The following KALRN variants were observed in gnomAD, a reference collection of about 807,000 sequenced individuals.
The protein encoded by KALRN is kalirin RhoGEF kinase, also known as kalirin.
In KALRN, 70 loss-of-function variants were observed where a neutral mutation model predicts 353.7. That is an observed-to-expected ratio of 0.20 (90% CI 0.16 to 0.24). The LOEUF is 0.24. Among genes scored for constraint, KALRN ranks in the 10% least tolerant of loss-of-function variants. The probability of loss-of-function intolerance (pLI) is 1.00; values close to 1 mark genes in which losing one functional copy is unlikely to be tolerated. For missense variants in KALRN, 2,791 were observed against 3,756.7 expected, an observed-to-expected ratio of 0.74 and a Z score of 6.72; for synonymous variants, 1,391 against 1,434.8, an observed-to-expected ratio of 0.97 and a Z score of 0.69.
Position 124,543,341 on chromosome 3 carries a change from C to T in KALRN, c.4936-19502C>T, listed in dbSNP as rs554913000. Among the ~76,000 whole-genome samples the T allele has an allele frequency of 2.6e-3, 388 of 151,388 alleles. 2 individuals are homozygous for T. The highest frequency in any genetic ancestry group is 8.9e-3 in the African/African-American group (368 of 41,244). On this transcript the variant is annotated intron_variant, in intron 33 of 59. Coordinates refer to ENST00000682506, the MANE Select transcript of KALRN (RefSeq NM_001388419.1). ...TTTTGAGACGGAATCTCACTCTGTCCCCCAGGCTGGAGTGCGGTGGCGTGA... is the reference window on the plus strand; with the variant it reads ...TTTTGAGACGGAATCTCACTCTGTCTCCCAGGCTGGAGTGCGGTGGCGTGA...
intron 10 of KALRN, among the ~76,000 whole-genome samples, chr3:124,354,391 C>T (rs966048390): frequency 6.6e-6 from 1 of 152,094 alleles, no homozygotes; most frequent in African/African-American, 2.4e-5. Context: ...GCCAGGATGA[C>T]GGGCTTCTGG....
chr3:124,180,670 A>G (rs953228896), intron 1 of KALRN, among the ~76,000 whole-genome samples: 3 of 152,074 alleles, frequency 2.0e-5, no homozygotes, highest in African/African-American at 4.8e-5. Context: ...AACATGAGAA[A>G]TCTCTAGCTC....
intron 5 of KALRN, among the ~76,000 whole-genome samples, chr3:124,276,306 T>C (rs2074715939): frequency 6.6e-6 from 1 of 152,216 alleles, no homozygotes; most frequent in Non-Finnish European, 1.5e-5. Context: ...TGGTATGTCC[T>C]GTTGGCCACA....
chr3:124,426,800 G>T (rs2093042166), intron 15 of KALRN, among the ~76,000 whole-genome samples: 1 of 152,166 alleles, frequency 6.6e-6, no homozygotes, highest in African/African-American at 2.4e-5. Flanking sequence ...TTACTACTAT[G>T]GTGAAGATGA....
At chr3:124,632,215 C>T (rs908284642) in intron 34 of KALRN, among the ~76,000 whole-genome samples, 15 of 152,146 alleles carry the variant, frequency 9.9e-5, no homozygotes, top group Admixed American at 7.2e-4. Flanking sequence ...TCCATAGTAC[C>T]GGGAATGGTG....
chr3:124,326,135 C>T lies in KALRN; in HGVS notation c.1248C>T (p.Leu416=), dbSNP rs1380727404. The change falls in exon 7 of 60, where the codon CTC becomes CTT. Residue 416 remains leucine, a synonymous_variant. Transcript: ENST00000682506. ...CCCTGGATGAACGCAGCACCATCCTCGCCATGTCTGCTGTGTTCCACCAGA... is the reference window on the plus strand; with the variant it reads ...CCCTGGATGAACGCAGCACCATCCTTGCCATGTCTGCTGTGTTCCACCAGA... ...AAALDERSTI[L]AMSAVFHQKA... is the part of the protein sequence containing the mutation. 1.2e-5 allele frequency: 20 copies of T among 1,613,174 alleles called. No individual in the cohort carries two copies. The highest frequency in any genetic ancestry group is 1.6e-4 in the Middle Eastern group (1 of 6,082).
chr3:124,469,459 C>G (rs1239744218), intron 25 of KALRN, among the ~76,000 whole-genome samples: 1 of 152,210 alleles, frequency 6.6e-6, no homozygotes, highest in African/African-American at 2.4e-5. Flanking sequence ...AATACCTGCT[C>G]CAGTATGCTA....
intron 33 of KALRN, among the ~76,000 whole-genome samples, chr3:124,529,090 C>G (rs570812391): frequency 6.6e-6 from 1 of 152,208 alleles, no homozygotes; most frequent in East Asian, 1.9e-4. Flanking sequence ...AAATTCGTGT[C>G]AAATCATACT....
At chr3:124,666,660 G>A (rs746648458) in intron 46 of KALRN, 26 bp downstream of exon 46, 2 of 1,603,556 alleles carry the variant, frequency 1.2e-6, no homozygotes, top group South Asian at 1.1e-5. Context: ...GTGATGAGAA[G>A]AGGCAAGGAA....
At chr3:124,576,364 GA>G (rs1478362543) in intron 34 of KALRN, among the ~76,000 whole-genome samples, 1 of 152,050 alleles carries the variant, frequency 6.6e-6, no homozygotes, top group Non-Finnish European at 1.5e-5. Context: ...AATATTTATA[GA>G]AAGGAGGGAC....
At chr3:124,200,163 ACTGGGTTCCTAACCTGG>A (rs1426913204) in intron 1 of KALRN, among the ~76,000 whole-genome samples, 1 of 152,192 alleles carries the variant, frequency 6.6e-6, no homozygotes, top group Non-Finnish European at 1.5e-5. Flanking sequence ...ACAGTAGAAA[ACTGGGTTCCTAACCTGG>A]TGCTACCACT....
intron 27 of KALRN, among the ~76,000 whole-genome samples, chr3:124,478,010 C>G (rs1001741608): frequency 2.0e-5 from 3 of 152,128 alleles, no homozygotes; most frequent in African/African-American, 7.2e-5. Context: ...TGTGCCTTGT[C>G]AGATCCTTTG....
intron 4 of KALRN, among the ~76,000 whole-genome samples, 157 bp downstream of exon 4, chr3:124,264,847 T>C (rs920143974): frequency 6.6e-6 from 1 of 151,952 alleles, no homozygotes; most frequent in Admixed American, 6.6e-5. Context: ...CCAGTTAGAG[T>C]ATGGGGAGGA....
chr3:124,163,820 C>G (rs2070392299), intron 1 of KALRN: 1 of 985,380 alleles, frequency 1.0e-6, no homozygotes. Context: ...CCTGGGCCAC[C>G]TGACTGATGT....
rs569792090 is a variant in KALRN at position 124,085,772 on chromosome 3, C to A, written c.73+51959C>A. The stretch of plus-strand genomic sequence containing the variant: ...GCTTATAGTAAAAAAATTATAACAA[C>A]ATAAAATTTTACAAAACACAATTCT... On this transcript the variant is annotated intron_variant, in intron 1 of 59. Coordinates refer to ENST00000682506, the MANE Select transcript of KALRN (RefSeq NM_001388419.1). 7.2e-5 allele frequency among the ~76,000 whole-genome samples: 11 copies of A among 152,280 alleles called. No individual in the cohort carries two copies. The East Asian group carries it at 1.9e-3, about 27-fold the overall frequency.
In KALRN at chr3:124,506,305, C is replaced by G. The variant is rs563039194; in HGVS notation, c.4935+9892C>G. 3.9e-5 allele frequency among the ~76,000 whole-genome samples: 6 copies of G among 152,288 alleles called. 1 individual carries two copies. In the South Asian group the frequency reaches 8.3e-4, roughly 21 times the overall value. ...ACCAGACACTTGCCCCACTACTAAT[C>G]AGCCTTCTCATCCTTCTCCCGCCAT... On this transcript the variant is annotated intron_variant, in intron 33 of 59. Transcript: ENST00000682506.
intron 34 of KALRN, among the ~76,000 whole-genome samples, chr3:124,572,243 G>T (rs2073606669): frequency 6.6e-6 from 1 of 151,586 alleles, no homozygotes; most frequent in Admixed American, 6.6e-5. Flanking sequence ...AAGGGCTGCA[G>T]TGGGAAGGGA....
chr3:124,125,553 G>A (rs545313615), intron 1 of KALRN, among the ~76,000 whole-genome samples: 178 of 152,304 alleles, frequency 1.2e-3, no homozygotes, highest in Middle Eastern at 3.4e-3. Flanking sequence ...CTCTGGTGCC[G>A]TGCCTGGCAG....
rs1279824857 is a variant in KALRN, at chr3:124,720,399, C to T, written c.*929C>T. On this transcript the variant is annotated 3_prime_UTR_variant, in exon 60 of 60. Coordinates refer to ENST00000682506, the MANE Select transcript of KALRN (RefSeq NM_001388419.1). ...AATACAAGAGGTTCATATAAAAGGG[C>T]AAATGAAAACCTTTCCTACAGTTCC... 2 of 152,580 alleles carry T rather than the reference C, an allele frequency of 1.3e-5. No homozygotes were observed. Among genetic ancestry groups the T allele is most frequent in the Non-Finnish European group, 2.9e-5 (2 of 68,012 alleles). 9.5% of individuals were successfully genotyped at this position (152,580 alleles called of 1,614,324 possible).
Sources: gnomAD v4.1 joint callset for allele counts (sites outside exome capture counted in the v4.1 genomes callset) on GRCh38, gnomAD v4.1.1 for gene constraint, MANE v1.5 for transcripts, NCBI Gene and HGNC (gene_info 2026-07-23, HGNC 2026-07-21) for gene names.